VDAC2: variants seen among roughly 807,000 people sequenced by gnomAD.
The protein encoded by VDAC2 is non-selective voltage-gated ion channel VDAC2.
In VDAC2, 6 loss-of-function variants were observed where a neutral mutation model predicts 36.6. The observed-to-expected ratio is 0.16, with a 90% CI of 0.09 to 0.32. VDAC2 has a LOEUF of 0.32. VDAC2 is among the 10% of genes least tolerant of loss of function. The pLI is 1.00. For synonymous variants in VDAC2, 109 were observed against 123.8 expected (o/e 0.88, Z 0.79); for missense variants, 247 against 346.0 (o/e 0.71, Z 2.27).
intron 9 of VDAC2, among the ~76,000 whole-genome samples, chr10:75,230,385 C>CT (rs149065720): frequency 0.014 from 2,116 of 152,286 alleles, 14 homozygotes; most frequent in Non-Finnish European, 0.021. Flanking sequence ...ACTTCACATA[C>CT]TTTTAAAAAA....
Position 75,229,579 on chromosome 10 carries a change from A to T in VDAC2, c.736-65A>T, listed in dbSNP as rs981666652. On this transcript the variant is annotated intron_variant, in intron 8 of 9. Coordinates refer to ENST00000332211, the MANE Select transcript of VDAC2 (RefSeq NM_001391963.1). ...ACACTTCATGATTACATGATGGGGA[A>T]ACATGTAGGGGCTTTGTCTCTATTG... 9 of 1,248,560 alleles carry T rather than the reference A, an allele frequency of 7.2e-6. No homozygotes were observed. The Admixed American group carries it at 1.5e-4, about 21-fold the overall frequency. The allele number at this position is 1,248,560 out of a possible 1,614,324, so 77.3% of individuals were successfully genotyped here.
At chr10:75,220,452 C>A (rs938267399) in intron 6 of VDAC2, among the ~76,000 whole-genome samples, 1 of 152,190 alleles carries the variant, frequency 6.6e-6, no homozygotes, top group African/African-American at 2.4e-5. Flanking sequence ...ATTGGCTTGC[C>A]TTCAAATATT....
rs1009529471 is a variant in VDAC2 at position 75,227,917 on chromosome 10, C to T, written c.736-1727C>T. Reference sequence around the variant, plus strand: ...TTCTTTCTTTTTTTTTTTTTTGAGGCGGAGTCTCGCTCAGTAGCCCAGGCT... The same window carrying T: ...TTCTTTCTTTTTTTTTTTTTTGAGGTGGAGTCTCGCTCAGTAGCCCAGGCT... On this transcript the variant is annotated intron_variant, in intron 8 of 9. Transcript: ENST00000332211. Among the ~76,000 whole-genome samples, 6 of 137,228 alleles carry T rather than the reference C, an allele frequency of 4.4e-5. No individual in the cohort carries two copies. The South Asian group carries it at 6.9e-4, about 16-fold the overall frequency. The allele number at this position is 137,228 out of a possible 152,430, so 90.0% of individuals were successfully genotyped here.
At chr10:75,222,927 G>A (rs1310490897) in intron 8 of VDAC2, among the ~76,000 whole-genome samples, 1 of 150,752 alleles carries the variant, frequency 6.6e-6, no homozygotes, top group Non-Finnish European at 1.5e-5. Flanking sequence ...AGGCTGTTGG[G>A]ATTATAGGCA....
Position 75,229,647 on chromosome 10 carries a change from A to G in VDAC2, c.739A>G (p.Lys247Glu). The G allele has an allele frequency of 5.0e-6, 8 of 1,602,270 alleles. No individual in the cohort carries two copies. Among genetic ancestry groups the G allele is most frequent in the Non-Finnish European group, 6.8e-6 (8 of 1,176,386 alleles). ...QLDPTASISA[K>E]VNNSSLIGVG... ...TTGTTTTTGTATTTTATTTTAGGCA[A>G]AAGTCAACAACTCTAGCTTAATTGG... The change falls in exon 9 of 10, where the codon AAA (lysine) becomes GAA (glutamate). Residue 247 changes from lysine to glutamate, a missense_variant. By Grantham distance (56) the Lys-to-Glu change is moderately conservative. Coordinates refer to ENST00000332211, the MANE Select transcript of VDAC2 (RefSeq NM_001391963.1).
Position 75,230,847 on chromosome 10 carries a change from C to T in VDAC2, c.794-51C>T, listed in dbSNP as rs111304843. 3.1e-5 allele frequency: 47 copies of T among 1,498,246 alleles called. 1 individual carries two copies. The highest frequency in any genetic ancestry group is 2.8e-4 in the South Asian group (24 of 85,484). The allele number at this position is 1,498,246 out of a possible 1,614,324, so 92.8% of individuals were successfully genotyped here. On this transcript the variant is annotated intron_variant, in intron 9 of 9. Transcript: ENST00000332211. ...GTGAAAGAAGGCCCAGACTGAGTGACGTGCCAGGTACATCACGGTTTTTTG... is the reference window on the plus strand; with the variant it reads ...GTGAAAGAAGGCCCAGACTGAGTGATGTGCCAGGTACATCACGGTTTTTTG...
At chr10:75,222,674 C>T (rs1841849033) in intron 8 of VDAC2, among the ~76,000 whole-genome samples, 1 of 152,132 alleles carries the variant, frequency 6.6e-6, no homozygotes, top group African/African-American at 2.4e-5. Flanking sequence ...CCAGGTATAG[C>T]TGGTGTTTGG....
intron 4 of VDAC2, among the ~76,000 whole-genome samples, chr10:75,217,090 T>C (rs899278217): frequency 3.3e-5 from 5 of 151,884 alleles, no homozygotes; most frequent in African/African-American, 1.2e-4. Flanking sequence ...ACCCCGTCTC[T>C]ACAAAAAAAT....
intron 3 of VDAC2, among the ~76,000 whole-genome samples, chr10:75,213,688 G>A (rs192068478): frequency 6.6e-6 from 1 of 152,146 alleles, no homozygotes; most frequent in Admixed American, 6.6e-5. Context: ...AGGTTGCAGT[G>A]AGCTGAGATC....
intron 3 of VDAC2, 120 bp downstream of exon 3, chr10:75,212,418 T>TA (rs2132250907): frequency 1.0e-6 from 1 of 963,972 alleles, no homozygotes; most frequent in Non-Finnish European, 1.5e-6. Flanking sequence ...AATTTAGAGT[T>TA]ACTTATTTTT....
At chr10:75,216,177 C>T (rs564198229) in intron 4 of VDAC2, among the ~76,000 whole-genome samples, 22 of 152,158 alleles carry the variant, frequency 1.4e-4, no homozygotes, top group African/African-American at 4.8e-4. Flanking sequence ...TTTAATGTTC[C>T]CATTGTTAGT....
chr10:75,219,776 C>A (rs557054867), intron 6 of VDAC2, among the ~76,000 whole-genome samples: 2 of 149,548 alleles, frequency 1.3e-5, no homozygotes, highest in Non-Finnish European at 3.0e-5. Flanking sequence ...TGAGCCACCA[C>A]GCCCAGCCTT....
intron 3 of VDAC2, among the ~76,000 whole-genome samples, chr10:75,213,005 C>T (rs931227522): frequency 5.3e-5 from 8 of 152,250 alleles, no homozygotes; most frequent in African/African-American, 1.9e-4. Flanking sequence ...ATACCCTCCT[C>T]CCCTTTATTT....
chr10:75,210,877 G>C lies in VDAC2; in HGVS notation c.-87G>C. 1 of 361,882 alleles carries C rather than the reference G, an allele frequency of 2.8e-6. No individual in the cohort carries two copies. Among genetic ancestry groups the C allele is most frequent in the Non-Finnish European group, 5.0e-6 (1 of 201,246 alleles). 22.4% of individuals were successfully genotyped at this position (361,882 alleles called of 1,614,324 possible). A position where few individuals can be genotyped will look rare whatever the true frequency, so the allele number is the denominator to read the frequency against. Reference sequence around the variant, plus strand: ...CTGGAGCTGCAGCCCGACCGCGAGCGTGCCAAGCGGCTTCAGCAGCTAGCG... The same window carrying C: ...CTGGAGCTGCAGCCCGACCGCGAGCCTGCCAAGCGGCTTCAGCAGCTAGCG... On this transcript the variant is annotated 5_prime_UTR_variant, in exon 1 of 10. Transcript: ENST00000332211.
chr10:75,216,188 C>G (rs991742036), intron 4 of VDAC2, among the ~76,000 whole-genome samples: 2 of 152,124 alleles, frequency 1.3e-5, no homozygotes, highest in Admixed American at 6.6e-5. Flanking sequence ...CATTGTTAGT[C>G]TATTGAGGCC....
At chr10:75,222,217 C>G in intron 7 of VDAC2, 35 bp from the exon 8 acceptor site, 2 of 1,587,988 alleles carry the variant, frequency 1.3e-6, no homozygotes, top group Non-Finnish European at 1.7e-6. Context: ...ATTACATTGT[C>G]TATTCTAGAT....
intron 2 of VDAC2, chr10:75,211,548 G>C (rs1444851296): frequency 1.3e-6 from 2 of 1,550,202 alleles, no homozygotes; most frequent in African/African-American, 1.4e-5. Flanking sequence ...GTCATTACTT[G>C]TGCTCCTAAG....
Position 75,226,689 on chromosome 10 carries a change from C to T in VDAC2, c.736-2955C>T, listed in dbSNP as rs111479969. ...TGTTGGCCAGGTGGGTCTCCAACCC[C>T]TGACCTCAGGTGATCCACTTGCCTT... On this transcript the variant is annotated intron_variant, in intron 8 of 9. Transcript: ENST00000332211. Among the ~76,000 whole-genome samples, 708 of 152,196 alleles carry T rather than the reference C, an allele frequency of 4.7e-3. 7 individuals are homozygous for T. Among genetic ancestry groups the T allele is most frequent in the African/African-American group, 0.016 (674 of 41,528 alleles).
At chr10:75,216,563 C>A (rs538463174) in intron 4 of VDAC2, among the ~76,000 whole-genome samples, 10 of 152,308 alleles carry the variant, frequency 6.6e-5, no homozygotes, top group Non-Finnish European at 1.3e-4. Context: ...CTTACCTGAA[C>A]AGCAAAGCTA....
Sources: gnomAD v4.1 joint callset for allele counts (sites outside exome capture counted in the v4.1 genomes callset) on GRCh38, gnomAD v4.1.1 for gene constraint, MANE v1.5 for transcripts, NCBI Gene and HGNC (gene_info 2026-07-23, HGNC 2026-07-21) for gene names.